Variants in RP1 observed in about 807,000 individuals in gnomAD.
RP1 encodes the protein oxygen-regulated protein 1.
A neutral mutation model predicts 14.8 loss-of-function variants in RP1; 16 were observed. The observed-to-expected ratio is 1.08, with a 90% CI of 0.73 to 1.65. The LOEUF is 1.65. Ranked by LOEUF, RP1 falls within the 40% of genes most tolerant of loss-of-function variation. The pLI is 0.00. For missense variants in RP1, 2,631 were observed against 2,535.0 expected (o/e 1.04, Z -0.81); for synonymous variants, 876 against 883.6 (o/e 0.99, Z 0.15).
At chr8:54,754,995 A>G (rs1423067242) in intron 20 of RP1, 5 of 1,392,160 alleles carry the variant, frequency 3.6e-6, no homozygotes, top group Non-Finnish European at 3.7e-6. Context: ...TAGTTGCTTA[A>G]ATTTGCTTCT....
At chr8:54,650,953 A>G (rs1263080965) in intron 4 of RP1, among the ~76,000 whole-genome samples, 1 of 150,588 alleles carries the variant, frequency 6.6e-6, no homozygotes, top group Non-Finnish European at 1.5e-5. Flanking sequence ...GTTCTTTTCA[A>G]TTTCTAGTTT....
chr8:54,629,301 G>A lies in RP1; in HGVS notation c.5419G>A (p.Glu1807Lys), dbSNP rs1257221759. 4 of 1,613,714 alleles carry A rather than the reference G, an allele frequency of 2.5e-6. No individual in the cohort carries two copies. In the African/African-American group the frequency reaches 4.0e-5, roughly 16 times the overall value. Residue 1807 changes from glutamate (E) to lysine (K), a missense_variant, in exon 4 of 4, where the codon GAA becomes AAA. Physicochemically the swap from Glu to Lys is moderately conservative, Grantham distance 56. Coordinates refer to ENST00000220676, the MANE Select transcript of RP1 (RefSeq NM_006269.2). ...MDELSSSELE[E>K]LTQPLELKCN... ...TGAACTCTCCTCTTCAGAACTCGAG[G>A]AACTGACTCAACCCCTTGAACTAAA...
At position 54,629,007 on chromosome 8, in the gene RP1, G is replaced by T. The variant is rs747095891; in HGVS notation, c.5125G>T (p.Val1709Leu). 6.2e-7 allele frequency: 1 copy of T among 1,614,092 alleles called. No individual in the cohort carries two copies. Among genetic ancestry groups the T allele is most frequent in the Non-Finnish European group, 8.5e-7 (1 of 1,179,972 alleles). ...ERQDKCDVSA[V>L]RDNYCRGDIV... ...ACAAGATAAGTGTGATGTTAGTGCT[G>T]TGAGGGACAATTATTGTAGGGGTGA... Residue 1709 changes from valine (V) to leucine (L), a missense_variant, in exon 4 of 4, where the codon GTG (valine) becomes TTG (leucine). Coordinates refer to ENST00000220676, the MANE Select transcript of RP1 (RefSeq NM_006269.2).
chr8:54,758,926 A>G, exon 22 of RP1: 2 of 1,535,528 alleles, frequency 1.3e-6, no homozygotes, highest in Non-Finnish European at 1.7e-6. Context: ...CACCAGATTG[A>G]TAAATTTCAA....
At chr8:54,622,388 C>T (rs1193635913) in intron 3 of RP1, 100 bp downstream of exon 3, 3 of 971,682 alleles carry the variant, frequency 3.1e-6, no homozygotes, top group Non-Finnish European at 4.9e-6. Context: ...TTTCTTCCAC[C>T]ACAGAAACGA....
At chr8:54,671,054 G>A (rs1284319024) in intron 7 of RP1, among the ~76,000 whole-genome samples, 1 of 151,846 alleles carries the variant, frequency 6.6e-6, no homozygotes, top group African/African-American at 2.4e-5. Context: ...TACTCAGTTT[G>A]TTTATCTGGG....
At position 54,769,174 on chromosome 8, in the gene RP1, A is replaced by G. The variant is rs554253302; in HGVS notation, c.3249-567A>G. On this transcript the variant is annotated intron_variant, in intron 22 of 22. Coordinates refer to the RP1 transcript ENST00000636932. ...CTCCCAAAGTGCTGGGATTACAGGC[A>G]TGAGCCACCACGCCTGGCCAATGGT... is the stretch of plus-strand genomic sequence containing the variant. 9.2e-5 allele frequency among the ~76,000 whole-genome samples: 14 copies of G among 152,290 alleles called. 1 individual carries two copies. The South Asian group carries it at 2.3e-3, about 25-fold the overall frequency.
At position 54,628,417 on chromosome 8, in the gene RP1, A is replaced by G; in HGVS notation, c.4535A>G (p.Lys1512Arg). ...TTAGAATTGATAGACATCTCTAGTAAGAATATTATGGAAGAAAAAAGAATG... is the reference window on the plus strand; with the variant it reads ...TTAGAATTGATAGACATCTCTAGTAGGAATATTATGGAAGAAAAAAGAATG... ...KTLELIDISS[K>R]NIMEEKRMNG... The change falls in exon 4 of 4, where the codon AAG becomes AGG. Residue 1512 changes from lysine to arginine, a missense_variant. Transcript: ENST00000220676. 1 of 1,613,532 alleles carries G rather than the reference A, an allele frequency of 6.2e-7. No individual in the cohort carries two copies. The highest frequency in any genetic ancestry group is 1.1e-5 in the South Asian group (1 of 91,042).
At chr8:54,759,079 A>G in intron 22 of RP1, 1 of 1,531,928 alleles carries the variant, frequency 6.5e-7, no homozygotes, top group Non-Finnish European at 8.7e-7. Context: ...TGTCAAAGGT[A>G]ATGCTGGTCT....
chr8:54,592,428 G>C (rs539532666), intron 1 of RP1, among the ~76,000 whole-genome samples: 1 of 152,302 alleles, frequency 6.6e-6, no homozygotes, highest in African/African-American at 2.4e-5. Flanking sequence ...TGTAGCACCT[G>C]GGGCCCTGCT....
At chr8:54,734,099 ATT>A (rs1808855891) in intron 17 of RP1, among the ~76,000 whole-genome samples, 2 of 152,086 alleles carry the variant, frequency 1.3e-5, no homozygotes, top group South Asian at 4.2e-4. Flanking sequence ...ATTTCAGAAA[ATT>A]TTTCTTTGCC....
intron 15 of RP1, among the ~76,000 whole-genome samples, chr8:54,708,163 A>G (rs914043647): frequency 7.2e-5 from 11 of 152,040 alleles, no homozygotes; most frequent in African/African-American, 2.4e-4. Context: ...TATGTAATAC[A>G]TGCTTTTGTG....
rs900191237 is a variant in RP1 at position 54,759,156 on chromosome 8, G to GTC, written c.3248+81_3248+82insCT. The GTC allele has an allele frequency of 1.3e-5, 17 of 1,317,736 alleles. No individual in the cohort carries two copies. In the African/African-American group the frequency reaches 1.9e-4, roughly 15 times the overall value. The allele number at this position is 1,317,736 out of a possible 1,614,324, so 81.6% of individuals were successfully genotyped here. On this transcript the variant is annotated intron_variant, in intron 22 of 22. Coordinates refer to the RP1 transcript ENST00000636932. ...TGTGTGTGTGTGTGTGTGTGTGTGT[G>GTC]TGTGTGTGTGTGTGTGTGTATCTTT...
chr8:54,731,374 G>A (rs1017463975), intron 17 of RP1, among the ~76,000 whole-genome samples: 34 of 152,050 alleles, frequency 2.2e-4, no homozygotes, highest in Non-Finnish European at 2.6e-4. Flanking sequence ...GGAGTCTATT[G>A]ACTAATCCAG....
At chr8:54,660,811 A>G (rs764614795) in intron 6 of RP1, among the ~76,000 whole-genome samples, 18 of 152,110 alleles carry the variant, frequency 1.2e-4, no homozygotes, top group Non-Finnish European at 2.2e-4. Flanking sequence ...CTGGGTAAAT[A>G]TGTCAATTAA....
At chr8:54,709,673 A>G (rs1369870968) in intron 15 of RP1, among the ~76,000 whole-genome samples, 1 of 152,180 alleles carries the variant, frequency 6.6e-6, no homozygotes, top group East Asian at 1.9e-4. Flanking sequence ...TATTGCACAT[A>G]AGGCAGAGAT....
chr8:54,683,075 T>G (rs1807474706), intron 12 of RP1, among the ~76,000 whole-genome samples: 1 of 152,172 alleles, frequency 6.6e-6, no homozygotes, highest in South Asian at 2.1e-4. Flanking sequence ...CTATTGCTTG[T>G]TTTTGTCAGG....
At chr8:54,727,972 G>A (rs951492901) in intron 17 of RP1, among the ~76,000 whole-genome samples, 1 of 151,970 alleles carries the variant, frequency 6.6e-6, no homozygotes, top group Non-Finnish European at 1.5e-5. Flanking sequence ...CTGAGAAAAT[G>A]GAGACTGAGC....
chr8:54,570,413 C>T (rs1804495579), intron 1 of RP1, among the ~76,000 whole-genome samples: 1 of 151,166 alleles, frequency 6.6e-6, no homozygotes. Context: ...ACTGCAACCT[C>T]CACCTTCTGG....
Sources: allele counts gnomAD v4.1 joint callset (sites outside exome capture counted in the v4.1 genomes callset), GRCh38; gene constraint gnomAD v4.1.1; transcripts MANE v1.5; gene names NCBI Gene and HGNC (gene_info 2026-07-23, HGNC 2026-07-21).